CIITA: variants seen among roughly 807,000 people sequenced by gnomAD.
The protein encoded by CIITA is class II major histocompatibility complex transactivator, also known as MHC class II transactivator.
Under a neutral mutation model 115.1 loss-of-function variants are expected in CIITA, and 72 were observed. The observed-to-expected ratio is 0.63, with a 90% CI of 0.52 to 0.76. CIITA has a LOEUF of 0.76. Ranked by LOEUF, CIITA falls within the 30% of genes least tolerant of loss-of-function variation. The pLI is 0.00. For missense variants in CIITA, 1,617 were observed against 1,463.8 expected (o/e 1.10, Z -1.71); for synonymous variants, 763 against 635.6 (o/e 1.20, Z -3.02).
intron 1 of CIITA, chr16:10,888,377 T>C (rs1056673358): frequency 6.6e-6 from 1 of 152,204 alleles, no homozygotes; most frequent in Non-Finnish European, 1.5e-5. Flanking sequence ...ACCCCAAAGC[T>C]CACCATCTGA....
chr16:10,925,203 A>G lies in CIITA; in HGVS notation c.*1348A>G, dbSNP rs2040481955. ...CCATGTGGGCTAGTTGGGCTTCCTC[A>G]TAGTATGGTGGCTGGGTTGGAGGGT... is the stretch of plus-strand genomic sequence containing the variant. On this transcript the variant is annotated 3_prime_UTR_variant, in exon 20 of 20. Transcript: ENST00000324288. 6.6e-6 allele frequency: 1 copy of G among 152,246 alleles called. No individual in the cohort carries two copies. Among genetic ancestry groups the G allele is most frequent in the Non-Finnish European group, 1.5e-5 (1 of 68,068 alleles). The allele number at this position is 152,246 out of a possible 1,614,324, so 9.4% of individuals were successfully genotyped here.
In CIITA at chr16:10,904,795, A is replaced by G; in HGVS notation, c.989A>G (p.Lys330Arg). 1 of 1,614,180 alleles carries G rather than the reference A, an allele frequency of 6.2e-7. No homozygotes were observed. Among genetic ancestry groups the G allele is most frequent in the South Asian group, 1.1e-5 (1 of 91,080 alleles). ...QCPAAGEVSN[K>R]LPKWPEPVEQ... ...CCGGCAGCTGGAGAGGTCTCCAACA[A>G]GCTTCCAAAATGGCCTGGTGAGTGA... The change falls in exon 10 of 20, where the codon AAG becomes AGG. Residue 330 changes from lysine to arginine, a missense_variant. Physicochemically the swap from Lys to Arg is conservative, Grantham distance 26. Transcript: ENST00000324288.
rs369853995 is a variant in CIITA at position 10,895,354 on chromosome 16, C to G, written c.125C>G (p.Ala42Gly). 4 of 1,614,118 alleles carry G rather than the reference C, an allele frequency of 2.5e-6. No homozygotes were observed. Among genetic ancestry groups the G allele is most frequent in the Non-Finnish European group, 3.4e-6 (4 of 1,180,024 alleles). ...TACCTGGAGCTTCTTAACAGCGATG[C>G]TGACCCCCTGTGCCTCTACCACTTC... The part of the protein sequence containing the change: ...GGYLELLNSD[A>G]DPLCLYHFYD... The change falls in exon 2 of 20, where the codon GCT (alanine) becomes GGT (glycine). Residue 42 changes from alanine to glycine, a missense_variant. Coordinates refer to ENST00000324288, the MANE Select transcript of CIITA (RefSeq NM_000246.4).
chr16:10,929,229 T>G lies in CIITA; in HGVS notation c.*5374T>G. On this transcript the variant is annotated 3_prime_UTR_variant, in exon 20 of 20. Coordinates refer to ENST00000324288, the MANE Select transcript of CIITA (RefSeq NM_000246.4). This position sits in a 1 kb window ranked among gnomAD's most constrained non-coding sequence, Gnocchi z 4.3. ...AGGCTCAACTCACATCAAACGGAGCTGGGAGTCGCTTTTGCGTGTGTCCGC... is the reference window on the plus strand; with the variant it reads ...AGGCTCAACTCACATCAAACGGAGCGGGGAGTCGCTTTTGCGTGTGTCCGC... 1 of 985,898 alleles carries G rather than the reference T, an allele frequency of 1.0e-6. No homozygotes were observed. The highest frequency in any genetic ancestry group is 1.2e-6 in the Non-Finnish European group (1 of 829,962). The allele number at this position is 985,898 out of a possible 1,614,324, so 61.1% of individuals were successfully genotyped here.
intron 9 of CIITA, among the ~76,000 whole-genome samples, chr16:10,904,221 T>G (rs1156738495): frequency 2.0e-5 from 3 of 152,126 alleles, no homozygotes; most frequent in African/African-American, 7.2e-5. Flanking sequence ...AATTTTTATT[T>G]TATTATTTAT....
At chr16:10,904,596 G>T in intron 9 of CIITA, 148 bp from the exon 10 acceptor site, 1 of 770,548 alleles carries the variant, frequency 1.3e-6, no homozygotes, top group South Asian at 1.5e-5. Flanking sequence ...ACATATTTGA[G>T]TTAGATACAG....
chr16:10,873,956 G>C (rs1008296103), upstream of CIITA, among the ~76,000 whole-genome samples: 1 of 152,052 alleles, frequency 6.6e-6, no homozygotes, highest in African/African-American at 2.4e-5. Flanking sequence ...TGTTGTTGCT[G>C]TTGTTGTGTT....
At chr16:10,888,829 G>A (rs2037230946) in intron 1 of CIITA, 1 of 152,254 alleles carries the variant, frequency 6.6e-6, no homozygotes, top group African/African-American at 2.4e-5. Context: ...GGGGTGCTGG[G>A]GGGCCAACAG....
chr16:10,869,996 G>C (rs796173949), intron 1 of CIITA, among the ~76,000 whole-genome samples: 1 of 151,906 alleles, frequency 6.6e-6, no homozygotes. Context: ...TCAGTGGATG[G>C]ATGCGTTGAT....
At chr16:10,895,788 A>G in intron 3 of CIITA, 24 bp downstream of exon 3, 1 of 1,611,486 alleles carries the variant, frequency 6.2e-7, no homozygotes, top group Non-Finnish European at 8.5e-7. Context: ...TGAGCCCAGA[A>G]AAGGACAATC....
chr16:10,900,351 C>G (rs60510692), intron 5 of CIITA, among the ~76,000 whole-genome samples: 1 of 152,134 alleles, frequency 6.6e-6, no homozygotes, highest in Non-Finnish European at 1.5e-5. Context: ...GGAGAGGACA[C>G]GGTCCTATCT....
intron 1 of CIITA, among the ~76,000 whole-genome samples, chr16:10,869,789 A>G (rs1386949827): frequency 6.6e-6 from 1 of 152,178 alleles, no homozygotes; most frequent in Non-Finnish European, 1.5e-5. Context: ...GATAACAGGC[A>G]TGAGCCACTG....
At chr16:10,898,756 G>T (rs1313603885) in intron 4 of CIITA, 24 bp downstream of exon 4, 3 of 1,611,176 alleles carry the variant, frequency 1.9e-6, no homozygotes, top group African/African-American at 2.7e-5. Flanking sequence ...GGGTGGGGAG[G>T]TCTTGGCTCA....
Position 10,920,908 on chromosome 16 carries a change from G to A in CIITA, c.3150-1259G>A, listed in dbSNP as rs2050826136. Among the ~76,000 whole-genome samples, 1 of 151,972 alleles carries A rather than the reference G, an allele frequency of 6.6e-6. No individual in the cohort carries two copies. ...TCTTTTTTTTTCGAGACAGAGTTTC[G>A]CTCTTGTTGCCAAGGCTGGAGTGCA... On this transcript the variant is annotated intron_variant, in intron 16 of 19. Coordinates refer to ENST00000324288, the MANE Select transcript of CIITA (RefSeq NM_000246.4). This position sits in a 1 kb window ranked among gnomAD's most constrained non-coding sequence, Gnocchi z 4.5.
rs573523090 is a variant in CIITA, at chr16:10,909,069, C to T, written c.2698C>T (p.Gln900Ter). Reference sequence around the variant, plus strand: ...CACGGTGGCGCTGTGGGAGTCCCTGCAGCAGCATGGGGAGACCAAGCTACT... The same window carrying T: ...CACGGTGGCGCTGTGGGAGTCCCTGTAGCAGCATGGGGAGACCAAGCTACT... ...SDTVALWESL[Q>*]QHGETKLLQA... Residue 900 changes from glutamine to a stop codon, truncating the protein, a stop_gained, in exon 12 of 20, where the codon CAG becomes TAG. Transcript: ENST00000324288. LOFTEE classifies it high-confidence loss of function. 3.5e-5 allele frequency: 57 copies of T among 1,614,124 alleles called. 1 individual carries two copies. Among genetic ancestry groups the T allele is most frequent in the Middle Eastern group, 1.6e-4 (1 of 6,062 alleles).
chr16:10,918,839 G>A (rs1259538216), intron 16 of CIITA, among the ~76,000 whole-genome samples: 1 of 152,154 alleles, frequency 6.6e-6, no homozygotes, highest in African/African-American at 2.4e-5. Context: ...GGCTTTTTCC[G>A]GAACCTAGGG....
chr16:10,898,593 C>G, intron 3 of CIITA, 77 bp from the exon 4 acceptor site: 2 of 1,399,438 alleles, frequency 1.4e-6, no homozygotes, highest in Non-Finnish European at 2.0e-6. Context: ...CCAGAGGTTC[C>G]CCAGCCCAAG....
Position 10,942,611 on chromosome 16 carries a change from G to A in CIITA, n.1737G>A, listed in dbSNP as rs959555088. Reference sequence around the variant, plus strand: ...TCGCTCCGCCCCTCGGGGCCCTAGCGTCTGAGTTGCTTTCCTGGTTCGGGT... The same window carrying A: ...TCGCTCCGCCCCTCGGGGCCCTAGCATCTGAGTTGCTTTCCTGGTTCGGGT... On this transcript the variant is annotated non_coding_transcript_exon_variant, in exon 2 of 2. Transcript: ENST00000573379. This position sits in a 1 kb window ranked among gnomAD's most constrained non-coding sequence, Gnocchi z 5.0. 3.3e-5 allele frequency: 5 copies of A among 152,356 alleles called. No homozygotes were observed. Among genetic ancestry groups the A allele is most frequent in the African/African-American group, 1.2e-4 (5 of 41,482 alleles). The allele number at this position is 152,356 out of a possible 1,614,324, so 9.4% of individuals were successfully genotyped here. A position where few individuals can be genotyped will look rare whatever the true frequency, so the allele number is the denominator to read the frequency against.
At position 10,906,484 on chromosome 16, in the gene CIITA, C is replaced by G; in HGVS notation, c.1007-15C>G. On this transcript the variant is annotated splice_polypyrimidine_tract_variant and intron_variant, in intron 10 of 19. Transcript: ENST00000324288. ...CTCACATACCCCCACCCTGACACGC[C>G]CCTGGCCTTTGCAGAGCCGGTGGAG... 6.2e-7 allele frequency: 1 copy of G among 1,611,326 alleles called. No individual in the cohort carries two copies. Among genetic ancestry groups the G allele is most frequent in the Non-Finnish European group, 8.5e-7 (1 of 1,179,792 alleles).
Sources: allele counts gnomAD v4.1 joint callset (sites outside exome capture counted in the v4.1 genomes callset), GRCh38; gene constraint gnomAD v4.1.1; non-coding constraint Gnocchi (gnomAD v3.1); transcripts MANE v1.5; gene names NCBI Gene and HGNC (gene_info 2026-07-23, HGNC 2026-07-21).